The following BANK1 variants were observed in gnomAD, a reference collection of about 807,000 sequenced individuals.
BANK1 encodes B cell scaffold protein with ankyrin repeats 1.
Under a neutral mutation model 94.5 loss-of-function variants are expected in BANK1, and 95 were observed. The ratio of observed to expected loss-of-function variants is 1.00; its 90% confidence interval spans 0.85 to 1.19. The LOEUF (loss-of-function observed/expected upper bound fraction) is 1.19, where lower values mean the gene tolerates loss of function less well. Ranked by LOEUF, BANK1 falls within the 50% of genes most tolerant of loss-of-function variation. The probability of loss-of-function intolerance (pLI) is 0.00; values close to 1 mark genes in which losing one functional copy is unlikely to be tolerated. For missense variants in BANK1, 987 were observed against 932.2 expected (o/e 1.06, Z -0.77); for synonymous variants, 334 against 308.4 (o/e 1.08, Z -0.87).
chr4:101,893,017 G>A (rs181862208), intron 5 of BANK1, among the ~76,000 whole-genome samples: 1 of 151,982 alleles, frequency 6.6e-6, no homozygotes, highest in African/African-American at 2.4e-5. Context: ...CATAATACTA[G>A]GAGTATGATT....
chr4:102,073,788 G>T (rs2148969081), intron 16 of BANK1, 40 bp downstream of exon 16: 3 of 1,526,734 alleles, frequency 2.0e-6, no homozygotes, highest in East Asian at 2.3e-5. Flanking sequence ...AAAATCTAAA[G>T]CAGCCTTGTT....
chr4:101,975,008 C>G (rs1169110811), intron 7 of BANK1, among the ~76,000 whole-genome samples: 1 of 152,080 alleles, frequency 6.6e-6, no homozygotes, highest in East Asian at 1.9e-4. Flanking sequence ...TCATTGTAAC[C>G]TACAAGCCAA....
chr4:102,073,683 G>A lies in BANK1; in HGVS notation c.2299-1G>A. The A allele has an allele frequency of 6.2e-7, 1 of 1,608,738 alleles. No individual in the cohort carries two copies. Among genetic ancestry groups the A allele is most frequent in the South Asian group, 1.1e-5 (1 of 90,060 alleles). Reference sequence around the variant, plus strand: ...AGCTCTATATCTTTATTTTTTTTCAGCTTCCTGCTCGACCCCAAGTTGAAA... The same window carrying A: ...AGCTCTATATCTTTATTTTTTTTCAACTTCCTGCTCGACCCCAAGTTGAAA... On this transcript the variant is annotated splice_acceptor_variant, in intron 15 of 16. Transcript: ENST00000322953. LOFTEE classifies it high-confidence loss of function.
At chr4:102,035,911 T>A (rs1727496811) in intron 10 of BANK1, among the ~76,000 whole-genome samples, 1 of 152,132 alleles carries the variant, frequency 6.6e-6, no homozygotes, top group Non-Finnish European at 1.5e-5. Context: ...GGATGTATGG[T>A]CTTTAGTGAC....
chr4:102,068,709 T>C (rs1728666410), intron 13 of BANK1, among the ~76,000 whole-genome samples: 2 of 151,838 alleles, frequency 1.3e-5, no homozygotes, highest in South Asian at 4.2e-4. Context: ...GCACCTGTAA[T>C]CCCAACTATT....
At chr4:102,021,618 A>G (rs1251459698) in intron 8 of BANK1, 26 bp downstream of exon 8, 2 of 1,010,124 alleles carry the variant, frequency 2.0e-6, no homozygotes, top group East Asian at 2.9e-5. Context: ...TTATATATAT[A>G]TATGACATAT....
At chr4:101,996,431 A>G (rs556736842) in intron 7 of BANK1, among the ~76,000 whole-genome samples, 3 of 152,252 alleles carry the variant, frequency 2.0e-5, no homozygotes, top group Admixed American at 2.0e-4. Context: ...ATTTCACATG[A>G]AATTTAAAGT....
chr4:101,968,016 G>T (rs1275053436), intron 7 of BANK1, among the ~76,000 whole-genome samples: 1 of 151,934 alleles, frequency 6.6e-6, no homozygotes, highest in Non-Finnish European at 1.5e-5. Context: ...AGTAAGTGAG[G>T]GAAAGCATAT....
At chr4:101,850,036 T>C (rs2148871920) in intron 2 of BANK1, among the ~76,000 whole-genome samples, 1 of 152,334 alleles carries the variant, frequency 6.6e-6, no homozygotes, top group African/African-American at 2.4e-5. Flanking sequence ...ATATAAGAGC[T>C]GTCTACAAAT....
chr4:101,956,034 G>A (rs746410884), intron 7 of BANK1, among the ~76,000 whole-genome samples: 1 of 152,052 alleles, frequency 6.6e-6, no homozygotes, highest in Non-Finnish European at 1.5e-5. Context: ...CAAAATAAGT[G>A]TTTTCAGAAT....
intron 7 of BANK1, among the ~76,000 whole-genome samples, chr4:101,967,140 G>C (rs1379010871): frequency 1.3e-5 from 2 of 152,058 alleles, no homozygotes; most frequent in African/African-American, 4.8e-5. Flanking sequence ...GCCATCAAAG[G>C]GGTCGCAGTT....
At chr4:101,969,671 G>A (rs1724889840) in intron 7 of BANK1, among the ~76,000 whole-genome samples, 1 of 152,018 alleles carries the variant, frequency 6.6e-6, no homozygotes, top group South Asian at 2.1e-4. Flanking sequence ...AAATGTATTT[G>A]GGATAAGTAT....
chr4:102,043,814 ATAAT>A, intron 10 of BANK1, 21 bp from the exon 11 acceptor site: 2 of 1,514,636 alleles, frequency 1.3e-6, no homozygotes, highest in Non-Finnish European at 1.8e-6. Context: ...TGTTCAGTAA[ATAAT>A]ATGTTCTATA....
chr4:101,893,520 T>A (rs1278511137), intron 5 of BANK1, among the ~76,000 whole-genome samples: 1 of 152,080 alleles, frequency 6.6e-6, no homozygotes, highest in Non-Finnish European at 1.5e-5. Flanking sequence ...TACAAACTAA[T>A]GTTATGATTT....
intron 2 of BANK1, among the ~76,000 whole-genome samples, chr4:101,848,354 T>G (rs35476121): frequency 0.38 from 57,311 of 152,068 alleles, 11,373 homozygotes; most frequent in African/African-American, 0.48. Context: ...GGAGTTGCAC[T>G]CTAGTCCTGC....
At chr4:101,841,327 AT>A (rs1727035874) in intron 2 of BANK1, among the ~76,000 whole-genome samples, 1 of 152,226 alleles carries the variant, frequency 6.6e-6, no homozygotes, top group East Asian at 1.9e-4. Flanking sequence ...ATTGTGCAGA[AT>A]ATAAACTGTT....
intron 7 of BANK1, among the ~76,000 whole-genome samples, chr4:101,939,604 A>G (rs1351224723): frequency 6.6e-6 from 1 of 151,632 alleles, no homozygotes; most frequent in Admixed American, 6.6e-5. Flanking sequence ...TCTGCCCCAA[A>G]GTGACTAACA....
chr4:101,837,794 TAATAA>T (rs1726885276), intron 2 of BANK1, among the ~76,000 whole-genome samples: 1 of 152,200 alleles, frequency 6.6e-6, no homozygotes, highest in Admixed American at 6.5e-5. Flanking sequence ...TATTTATTGC[TAATAA>T]AATAAGATAA....
rs115137372 is a variant in BANK1 at position 101,851,412 on chromosome 4, T to G, written c.470-3623T>G. Among the ~76,000 whole-genome samples, 386 of 152,328 alleles carry G rather than the reference T, an allele frequency of 2.5e-3. 3 individuals carry two copies. Among genetic ancestry groups the G allele is most frequent in the Middle Eastern group, 6.8e-3 (2 of 294 alleles). ...TATTAAACCAGGCAACAAGTATTTA[T>G]TAAGCCTCTACCATGTGCCAGGCAC... On this transcript the variant is annotated intron_variant, in intron 2 of 16. Transcript: ENST00000322953.
Sources: allele counts gnomAD v4.1 joint callset (sites outside exome capture counted in the v4.1 genomes callset), GRCh38; gene constraint gnomAD v4.1.1; transcripts MANE v1.5; gene names NCBI Gene and HGNC (gene_info 2026-07-23, HGNC 2026-07-21).